The following TNC variants were observed in gnomAD, a reference collection of about 807,000 sequenced individuals.
TNC encodes the protein tenascin C, also known as tenascin.
A neutral mutation model predicts 202.4 loss-of-function variants in TNC; 109 were observed. The observed-to-expected ratio is 0.54, with a 90% CI of 0.46 to 0.63. TNC has a LOEUF of 0.63. Among genes scored for constraint, TNC ranks in the 30% least tolerant of loss-of-function variants. The probability of loss-of-function intolerance (pLI) is 0.00; values close to 1 mark genes in which losing one functional copy is unlikely to be tolerated. For missense variants in TNC, 2,756 were observed against 2,833.3 expected (o/e 0.97, Z 0.62); for synonymous variants, 1,007 against 1,089.7 (o/e 0.92, Z 1.50).
intron 27 of TNC, among the ~76,000 whole-genome samples, chr9:115,022,642 T>C (rs963396650): frequency 3.3e-5 from 5 of 151,958 alleles, no homozygotes; most frequent in Admixed American, 2.0e-4. Context: ...ATAAAGATGA[T>C]AAAATAATGC....
chr9:115,035,400 G>C (rs1424060777), intron 21 of TNC, 66 bp from the exon 22 acceptor site: 1 of 1,534,394 alleles, frequency 6.5e-7, no homozygotes, highest in Non-Finnish European at 8.8e-7. Flanking sequence ...TTCGGGCTGG[G>C]TATCAAGAAG....
At chr9:115,061,496 A>G (rs944223) in intron 13 of TNC, among the ~76,000 whole-genome samples, 114,565 of 152,164 alleles carry the variant, frequency 0.75, 43,791 homozygotes, top group Middle Eastern at 0.86. Context: ...TTGCACACAG[A>G]CCACACCTGT....
At chr9:115,055,796 C>T (rs980543177) in intron 15 of TNC, 25 of 152,554 alleles carry the variant, frequency 1.6e-4, no homozygotes, top group African/African-American at 5.5e-4. Context: ...ATTTAAAACA[C>T]CATTGTAGAG....
Position 115,036,326 on chromosome 9 carries a change from TTC to T in TNC, c.5513-87_5513-86del, listed in dbSNP as rs1830330505. ...CTTGGCAAACCACATACACACCTCC[TTC>T]GAACATCGAAACTTTCAGTGACCCT... On this transcript the variant is annotated intron_variant, in intron 20 of 27. Coordinates refer to ENST00000350763, the MANE Select transcript of TNC (RefSeq NM_002160.4). 7.5e-6 allele frequency: 11 copies of T among 1,465,232 alleles called. No individual in the cohort carries two copies. In the East Asian group the frequency reaches 2.5e-4, roughly 33 times the overall value. 90.8% of individuals were successfully genotyped at this position (1,465,232 alleles called of 1,614,324 possible). A position where few individuals can be genotyped will look rare whatever the true frequency, so the allele number is the denominator to read the frequency against.
chr9:115,038,371 C>A lies in TNC; in HGVS notation c.5402G>T (p.Gly1801Val). Residue 1801 changes from glycine (G) to valine (V), a missense_variant, in exon 20 of 28, where the codon GGC becomes GTC. Around this residue, in one of 2 missense-constraint regions of TNC, gnomAD observed 2,559 missense variants for 2,546.0 expected, o/e 1.01. Coordinates refer to ENST00000350763, the MANE Select transcript of TNC (RefSeq NM_002160.4). The part of the protein sequence containing the change: ...VSGSFTTALD[G>V]PSGLVTANIT... Reference sequence around the variant, plus strand: ...GTTGGCTGTCACCAGGCCAGATGGGCCATCCAGAGCTGCAAAGAAAGATGG... The same window carrying A: ...GTTGGCTGTCACCAGGCCAGATGGGACATCCAGAGCTGCAAAGAAAGATGG... 6.2e-7 allele frequency: 1 copy of A among 1,613,948 alleles called. No homozygotes were observed. The highest frequency in any genetic ancestry group is 8.5e-7 in the Non-Finnish European group (1 of 1,179,886).
Position 115,026,558 on chromosome 9 carries a change from C to A in TNC, c.6307G>T (p.Val2103Leu). The A allele has an allele frequency of 6.2e-7, 1 of 1,614,102 alleles. No individual in the cohort carries two copies. The highest frequency in any genetic ancestry group is 8.5e-7 in the Non-Finnish European group (1 of 1,179,984). ...GDAKTRYKLK[V>L]EGYSGTAGDS... Reference sequence around the variant, plus strand: ...CCTGCTGTCCCACTGTACCCCTCCACCTTCAGCTTGTAGCGAGTCTTGGCA... The same window carrying A: ...CCTGCTGTCCCACTGTACCCCTCCAACTTCAGCTTGTAGCGAGTCTTGGCA... The change falls in exon 26 of 28, where the codon GTG becomes TTG. Residue 2103 changes from valine to leucine, a missense_variant. Transcript: ENST00000350763.
In TNC at chr9:115,086,704, T is replaced by C. The variant is rs558825398; in HGVS notation, c.1027A>G (p.Lys343Glu). The C allele has an allele frequency of 1.9e-6, 3 of 1,613,908 alleles. No homozygotes were observed. The highest frequency in any genetic ancestry group is 2.5e-6 in the Non-Finnish European group (3 of 1,180,030). Reference protein sequence around the residue: ...EEGFTGEDCGKPTCPHACHTQ... With the variant: ...EEGFTGEDCGEPTCPHACHTQ... ...TGGCAGGCATGTGGGCAGGTGGGTTTCCCGCAGTCTTCACCTGTGAAGCCT... is the reference window on the plus strand; with the variant it reads ...TGGCAGGCATGTGGGCAGGTGGGTTCCCCGCAGTCTTCACCTGTGAAGCCT... Residue 343 changes from lysine to glutamate, a missense_variant, in exon 3 of 28, where the codon AAA (lysine) becomes GAA (glutamate). Coordinates refer to ENST00000350763, the MANE Select transcript of TNC (RefSeq NM_002160.4).
At chr9:115,052,165 G>C (rs1172421768) in intron 15 of TNC, among the ~76,000 whole-genome samples, 3 of 151,440 alleles carry the variant, frequency 2.0e-5, no homozygotes, top group Non-Finnish European at 2.9e-5. Flanking sequence ...CAACAACACG[G>C]ATGAACCCAG....
intron 1 of TNC, among the ~76,000 whole-genome samples, chr9:115,104,982 C>A (rs546973206): frequency 1.3e-5 from 2 of 152,102 alleles, no homozygotes; most frequent in Admixed American, 1.3e-4. Flanking sequence ...TTTGGCATAG[C>A]AAAACTAGAC....
chr9:115,065,901 C>CAAAAAAA (rs35177151), intron 10 of TNC, among the ~76,000 whole-genome samples: 3 of 46,678 alleles, frequency 6.4e-5, no homozygotes, highest in African/African-American at 8.4e-5. Flanking sequence ...GACTCCATCT[C>CAAAAAAA]AAAAAAAAAA....
At chr9:115,053,268 C>T (rs976448841) in intron 15 of TNC, among the ~76,000 whole-genome samples, 23 of 152,278 alleles carry the variant, frequency 1.5e-4, no homozygotes, top group African/African-American at 5.5e-4. Flanking sequence ...AAAGCATAAA[C>T]ACCACCATTT....
intron 25 of TNC, among the ~76,000 whole-genome samples, chr9:115,028,946 A>G (rs1315405242): frequency 1.4e-4 from 11 of 78,650 alleles, no homozygotes; most frequent in Non-Finnish European, 3.1e-4. Flanking sequence ...AAAAAAAAAA[A>G]AAAAAAAAAA....
At chr9:115,056,365 CT>C (rs745505206) in intron 15 of TNC, among the ~76,000 whole-genome samples, 8 of 152,094 alleles carry the variant, frequency 5.3e-5, no homozygotes, top group Non-Finnish European at 1.2e-4. Context: ...GAAAGGGGGG[CT>C]CCCCTTTCTA....
intron 1 of TNC, among the ~76,000 whole-genome samples, chr9:115,113,052 G>A (rs916677934): frequency 1.3e-5 from 2 of 152,204 alleles, no homozygotes; most frequent in African/African-American, 4.8e-5. Flanking sequence ...TACATTATGG[G>A]TCACATGCTA....
Position 115,073,740 on chromosome 9 carries a change from C to G in TNC, c.3077G>C (p.Trp1026Ser). 6.2e-7 allele frequency: 1 copy of G among 1,614,196 alleles called. No homozygotes were observed. The highest frequency in any genetic ancestry group is 8.5e-7 in the Non-Finnish European group (1 of 1,180,028). ...RLNYSLPTGQ[W>S]VGVQLPRNTT... ...GTTTCTTGGAAGCTGCACTCCCACC[C>G]ACTGGCCTGTGGGGAGACTGTAATT... The change falls in exon 10 of 28, where the codon TGG (tryptophan) becomes TCG (serine). Residue 1026 changes from tryptophan to serine, a missense_variant. Physicochemically the swap from Trp to Ser is radical, Grantham distance 177. Around this residue, in one of 2 missense-constraint regions of TNC, gnomAD observed 2,559 missense variants for 2,546.0 expected, o/e 1.01. Coordinates refer to ENST00000350763, the MANE Select transcript of TNC (RefSeq NM_002160.4).
intron 1 of TNC, among the ~76,000 whole-genome samples, chr9:115,110,720 C>T (rs1299295954): frequency 6.6e-6 from 1 of 152,150 alleles, no homozygotes; most frequent in African/African-American, 2.4e-5. Flanking sequence ...GAATAAAATA[C>T]ATTTGGAATC....
chr9:115,037,422 T>G lies in TNC; in HGVS notation c.5512+839A>C, dbSNP rs144611142. 4.1e-4 allele frequency among the ~76,000 whole-genome samples: 63 copies of G among 152,380 alleles called. 1 individual carries two copies. In the East Asian group the frequency reaches 0.012, roughly 28 times the overall value. On this transcript the variant is annotated intron_variant, in intron 20 of 27. Transcript: ENST00000350763. The stretch of plus-strand genomic sequence containing the variant: ...ATATTTGATTTTACTTTCTGGCAGC[T>G]GTAGTTTGCTGGTGCTCTAAACAAG...
At chr9:115,044,625 C>G (rs569222229) in intron 17 of TNC, among the ~76,000 whole-genome samples, 1 of 151,980 alleles carries the variant, frequency 6.6e-6, no homozygotes, top group Non-Finnish European at 1.5e-5. Context: ...CAAAACAAAT[C>G]AATGATCAGA....
Position 115,029,544 on chromosome 9 carries a change from A to G in TNC, c.6073-88T>C, listed in dbSNP as rs893664186. 7.8e-6 allele frequency: 10 copies of G among 1,277,524 alleles called. No individual in the cohort carries two copies. In the East Asian group the frequency reaches 2.3e-4, roughly 30 times the overall value. The allele number at this position is 1,277,524 out of a possible 1,614,324, so 79.1% of individuals were successfully genotyped here. Reference sequence around the variant, plus strand: ...GAGAGGAAGGAGTGTGGCACTGTGGAGAGAGCATCAGGCTCCATTCTGTCC... The same window carrying G: ...GAGAGGAAGGAGTGTGGCACTGTGGGGAGAGCATCAGGCTCCATTCTGTCC... On this transcript the variant is annotated intron_variant, in intron 24 of 27. Coordinates refer to ENST00000350763, the MANE Select transcript of TNC (RefSeq NM_002160.4).
Sources: allele counts gnomAD v4.1 joint callset (sites outside exome capture counted in the v4.1 genomes callset), GRCh38; gene constraint gnomAD v4.1.1; regional missense constraint gnomAD v4.1.1; transcripts MANE v1.5; gene names NCBI Gene and HGNC (gene_info 2026-07-23, HGNC 2026-07-21).